The following SCLT1 variants were observed in gnomAD, a reference collection of about 807,000 sequenced individuals.
SCLT1 encodes sodium channel and clathrin linker 1.
SCLT1 carries 78 observed loss-of-function variants against 112.8 expected under a neutral mutation model. The ratio of observed to expected loss-of-function variants is 0.69; its 90% CI spans 0.58 to 0.83. The LOEUF (loss-of-function observed/expected upper bound fraction) is 0.83, where lower values mean the gene tolerates loss of function less well. Ranked by LOEUF, SCLT1 falls within the 40% of genes least tolerant of loss-of-function variation. The probability of loss-of-function intolerance (pLI) is 0.00; values close to 1 mark genes in which losing one functional copy is unlikely to be tolerated. For synonymous variants in SCLT1, 257 were observed against 254.7 expected (o/e 1.01, Z -0.09); for missense variants, 747 against 770.4 (o/e 0.97, Z 0.36).
intron 18 of SCLT1, among the ~76,000 whole-genome samples, chr4:128,910,229 G>A (rs1342365835): frequency 2.0e-5 from 3 of 152,152 alleles, no homozygotes; most frequent in Admixed American, 1.3e-4. Flanking sequence ...CACCTATACT[G>A]TATGACAACT....
At chr4:128,890,641 T>C (rs1733236147) in intron 19 of SCLT1, among the ~76,000 whole-genome samples, 1 of 152,222 alleles carries the variant, frequency 6.6e-6, no homozygotes, top group South Asian at 2.1e-4. Context: ...ACTCTTGCTA[T>C]ATTTAGTTCT....
chr4:129,083,448 A>AC (rs1322303600), intron 1 of SCLT1, among the ~76,000 whole-genome samples: 5 of 101,210 alleles, frequency 4.9e-5, no homozygotes, highest in Non-Finnish European at 4.8e-5. Flanking sequence ...AGTATCAAGA[A>AC]CCAAAAAAAA....
At chr4:129,087,710 T>C (rs1222263757) in intron 1 of SCLT1, among the ~76,000 whole-genome samples, 1 of 142,638 alleles carries the variant, frequency 7.0e-6, no homozygotes, top group Non-Finnish European at 1.5e-5. Context: ...GCTACTAGTG[T>C]ACCATTAACT....
intron 18 of SCLT1, among the ~76,000 whole-genome samples, chr4:128,909,252 TTTTC>T (rs1249910307): frequency 2.0e-5 from 3 of 152,118 alleles, no homozygotes; most frequent in Non-Finnish European, 4.4e-5. Context: ...TTATTTTAAA[TTTTC>T]TTTCTTTTTT....
chr4:129,071,578 G>GT lies in SCLT1; in HGVS notation c.102+10727dup, dbSNP rs1446696558. ...CTGCTGTTGCTTTAAAGTTTTTTTTGTTTTTTGTTTTTTGTTTTGTCTGAT... is the reference window on the plus strand; with the variant it reads ...CTGCTGTTGCTTTAAAGTTTTTTTTGTTTTTTTGTTTTTTGTTTTGTCTGAT... On this transcript the variant is annotated intron_variant, in intron 2 of 20. Transcript: ENST00000281142. 2.0e-5 allele frequency among the ~76,000 whole-genome samples: 3 copies of GT among 150,870 alleles called. No individual in the cohort carries two copies. In the South Asian group the frequency reaches 6.4e-4, roughly 32 times the overall value.
At chr4:128,897,322 C>A (rs1312137815) in intron 18 of SCLT1, among the ~76,000 whole-genome samples, 1 of 152,092 alleles carries the variant, frequency 6.6e-6, no homozygotes, top group African/African-American at 2.4e-5. Flanking sequence ...AACAGCTGAT[C>A]TCTCGGCAGA....
intron 9 of SCLT1, among the ~76,000 whole-genome samples, chr4:128,985,712 T>G (rs945874365): frequency 1.3e-5 from 2 of 152,194 alleles, no homozygotes; most frequent in Non-Finnish European, 2.9e-5. Context: ...CTTTTTGGCT[T>G]GTATTTAAAT....
rs140873890 is a variant in SCLT1, at chr4:128,885,600, T to C, written c.2005-1061A>G. ...CTATTGTTGGGTATTTGTATGGTTT[T>C]TAATCTTTTAAAAGGAGAGACAATG... On this transcript the variant is annotated intron_variant, in intron 20 of 20. Transcript: ENST00000281142. Among the ~76,000 whole-genome samples the C allele has an allele frequency of 4.1e-3, 623 of 152,318 alleles. 9 individuals are homozygous for C. The highest frequency in any genetic ancestry group is 0.015 in the East Asian group (80 of 5,182).
chr4:128,929,453 C>G (rs1406033538), intron 18 of SCLT1, among the ~76,000 whole-genome samples: 2 of 152,136 alleles, frequency 1.3e-5, no homozygotes, highest in East Asian at 3.8e-4. Flanking sequence ...AGGAACTTGA[C>G]ATACAATTCT....
At chr4:128,875,720 A>G (rs1732502868) in intron 4 of SCLT1, among the ~76,000 whole-genome samples, 2 of 151,722 alleles carry the variant, frequency 1.3e-5, no homozygotes, top group South Asian at 4.1e-4. Flanking sequence ...GTGGTAGGCT[A>G]TTATTTTTAT....
At chr4:129,015,692 G>A (rs985698562) in intron 5 of SCLT1, among the ~76,000 whole-genome samples, 1 of 152,128 alleles carries the variant, frequency 6.6e-6, no homozygotes, top group African/African-American at 2.4e-5. Flanking sequence ...GTCTACGATG[G>A]TTGAAGGGTC....
At chr4:128,943,801 T>C (rs574908069) in intron 16 of SCLT1, among the ~76,000 whole-genome samples, 6 of 152,112 alleles carry the variant, frequency 3.9e-5, no homozygotes, top group Non-Finnish European at 8.8e-5. Context: ...ATACTGCTAA[T>C]TTTTATTCCT....
intron 9 of SCLT1, among the ~76,000 whole-genome samples, chr4:128,983,951 G>A (rs1741883756): frequency 1.3e-5 from 2 of 152,116 alleles, no homozygotes; most frequent in South Asian, 4.1e-4. Flanking sequence ...ATACTTGAAA[G>A]CAACACTCTC....
At chr4:128,896,554 T>C (rs1733772635) in intron 18 of SCLT1, among the ~76,000 whole-genome samples, 1 of 151,958 alleles carries the variant, frequency 6.6e-6, no homozygotes, top group Non-Finnish European at 1.5e-5. Flanking sequence ...CAAAAGTAGA[T>C]AAAACCACAA....
chr4:129,081,061 T>C (rs1751892000), intron 2 of SCLT1, among the ~76,000 whole-genome samples: 2 of 152,090 alleles, frequency 1.3e-5, no homozygotes, highest in African/African-American at 4.8e-5. Flanking sequence ...CTTGAAGCAG[T>C]GGAGTATAAT....
intron 18 of SCLT1, among the ~76,000 whole-genome samples, chr4:128,910,992 G>A (rs1016398347): frequency 2.0e-5 from 3 of 152,028 alleles, no homozygotes; most frequent in African/African-American, 4.8e-5. Context: ...GGCCAGGTGC[G>A]GTGGCTCACG....
rs752001813 is a variant in SCLT1 at position 128,891,083 on chromosome 4, T to A, written c.1884A>T (p.Glu628Asp). 5 of 1,613,080 alleles carry A rather than the reference T, an allele frequency of 3.1e-6. No homozygotes were observed. Among genetic ancestry groups the A allele is most frequent in the Admixed American group, 3.3e-5 (2 of 59,858 alleles). ...LHTQELLSQLEMANEKVAENE... is the reference protein window; with the variant it reads ...LHTQELLSQLDMANEKVAENE... ...CCTCAGCTACCTTTTCATTTGCCAT[T>A]TCCAGCTGAGAAAGCAGCTCTTGGG... Residue 628 changes from glutamate to aspartate, a missense_variant, in exon 19 of 21, where the codon GAA becomes GAT. Around this residue, in one of 2 missense-constraint regions of SCLT1, gnomAD observed 723 missense variants for 721.3 expected, o/e 1.00. Coordinates refer to ENST00000281142, the MANE Select transcript of SCLT1 (RefSeq NM_144643.4).
intron 8 of SCLT1, among the ~76,000 whole-genome samples, chr4:128,993,411 A>G (rs1055107080): frequency 2.0e-4 from 30 of 152,040 alleles, no homozygotes; most frequent in African/African-American, 7.0e-4. Context: ...CACTAGCATA[A>G]TTAATGCTTG....
chr4:129,057,791 G>A lies in SCLT1; in HGVS notation c.103-13740C>T, dbSNP rs544097982. Among the ~76,000 whole-genome samples, 39 of 149,334 alleles carry A rather than the reference G, an allele frequency of 2.6e-4. 1 individual carries two copies. Among genetic ancestry groups the A allele is most frequent in the African/African-American group, 9.1e-4 (37 of 40,580 alleles). ...TTTTGAGAGGGAGTCTTGCTCTGTC[G>A]CCCAGGCTGGAGTGCAGTGGCATGA... On this transcript the variant is annotated intron_variant, in intron 2 of 20. Transcript: ENST00000281142.
Sources: gnomAD v4.1 joint callset for allele counts (sites outside exome capture counted in the v4.1 genomes callset) on GRCh38, gnomAD v4.1.1 for gene constraint, gnomAD v4.1.1 regional missense constraint, MANE v1.5 for transcripts, NCBI Gene and HGNC (gene_info 2026-07-23, HGNC 2026-07-21) for gene names.